Variants in ULK4 observed in about 807,000 individuals in gnomAD.
The protein encoded by ULK4 is inactive serine/threonine-protein kinase ULK4.
In ULK4, 133 loss-of-function variants were observed where a neutral mutation model predicts 160.6. The observed-to-expected ratio is 0.83, with a 90% CI of 0.72 to 0.96. ULK4 has a LOEUF of 0.96. Among genes scored for constraint, ULK4 ranks in the 40% least tolerant of loss-of-function variants. ULK4 has a pLI of 0.00. For missense variants in ULK4, 1,580 were observed against 1,499.5 expected (o/e 1.05, Z -0.89); for synonymous variants, 534 against 539.8 (o/e 0.99, Z 0.15).
chr3:41,957,473 T>C (rs1700522471), intron 1 of ULK4, among the ~76,000 whole-genome samples: 1 of 129,356 alleles, frequency 7.7e-6, no homozygotes, highest in Non-Finnish European at 1.7e-5. Context: ...AAAATCAATC[T>C]TTCATAACCT....
chr3:41,567,083 G>C (rs906256439), intron 31 of ULK4, among the ~76,000 whole-genome samples: 1 of 152,038 alleles, frequency 6.6e-6, no homozygotes, highest in Non-Finnish European at 1.5e-5. Context: ...AAAGCAACAA[G>C]CATATTAATT....
rs528685544 is a variant in ULK4 at position 41,913,916 on chromosome 3, T to A, written c.804-1017A>T. Among the ~76,000 whole-genome samples the A allele has an allele frequency of 4.6e-5, 7 of 152,202 alleles. No individual in the cohort carries two copies. In the East Asian group the frequency reaches 1.4e-3, roughly 29 times the overall value. On this transcript the variant is annotated intron_variant, in intron 8 of 36. Coordinates refer to ENST00000301831, the MANE Select transcript of ULK4 (RefSeq NM_017886.4). Reference sequence around the variant, plus strand: ...AGGGAGAGGTTGCAGTGAGCCAAGATCACACCACTGCACTCCAGCCTGGGT... The same window carrying A: ...AGGGAGAGGTTGCAGTGAGCCAAGAACACACCACTGCACTCCAGCCTGGGT...
chr3:41,336,352 T>TG (rs2080555224), intron 35 of ULK4, among the ~76,000 whole-genome samples: 1 of 152,236 alleles, frequency 6.6e-6, no homozygotes, highest in Admixed American at 6.5e-5. Flanking sequence ...CTGAAAATGA[T>TG]GGAGGGAGAA....
chr3:41,636,610 TTAA>T lies in ULK4; in HGVS notation c.3072-20896_3072-20894del, dbSNP rs550113662. 1.1e-3 allele frequency among the ~76,000 whole-genome samples: 164 copies of T among 152,052 alleles called. 1 individual carries two copies. Among genetic ancestry groups the T allele is most frequent in the African/African-American group, 3.8e-3 (158 of 41,488 alleles). On this transcript the variant is annotated intron_variant, in intron 30 of 36. Transcript: ENST00000301831. Reference sequence around the variant, plus strand: ...TTACTATTTTTATTGTTGTTTTTTTTTAATTATTATTATACTTTAAGTTTTAGG... The same window carrying T: ...TTACTATTTTTATTGTTGTTTTTTTTTTATTATTATACTTTAAGTTTTAGG...
intron 32 of ULK4, among the ~76,000 whole-genome samples, chr3:41,493,749 C>T (rs1443022864): frequency 1.3e-5 from 2 of 150,150 alleles, no homozygotes; most frequent in Admixed American, 6.6e-5. Flanking sequence ...AAGGGGATAT[C>T]ACCACCGATC....
chr3:41,857,404 T>A (rs1430324742), intron 17 of ULK4, among the ~76,000 whole-genome samples: 1 of 152,196 alleles, frequency 6.6e-6, no homozygotes, highest in African/African-American at 2.4e-5. Flanking sequence ...CATAGTTTTC[T>A]TTTTTTGATA....
chr3:41,897,005 T>C lies in ULK4; in HGVS notation c.1349-2A>G. ...CTTTCAGAAATAATAACTTATCCACTGCGATGGAAAGAAAATAATAAAAGT... is the reference window on the plus strand; with the variant it reads ...CTTTCAGAAATAATAACTTATCCACCGCGATGGAAAGAAAATAATAAAAGT... On this transcript the variant is annotated splice_acceptor_variant, in intron 14 of 36. Transcript: ENST00000301831. LOFTEE classifies it high-confidence loss of function. The C allele has an allele frequency of 6.2e-7, 1 of 1,604,450 alleles. No homozygotes were observed. Among genetic ancestry groups the C allele is most frequent in the Non-Finnish European group, 8.5e-7 (1 of 1,175,250 alleles).
chr3:41,773,440 G>C (rs1039664890), intron 21 of ULK4, among the ~76,000 whole-genome samples: 1 of 152,128 alleles, frequency 6.6e-6, no homozygotes, highest in Non-Finnish European at 1.5e-5. Flanking sequence ...GACAAACAGA[G>C]AGCCAAATCA....
At chr3:41,940,813 T>G (rs964893201) in intron 2 of ULK4, among the ~76,000 whole-genome samples, 1 of 152,222 alleles carries the variant, frequency 6.6e-6, no homozygotes, top group Non-Finnish European at 1.5e-5. Flanking sequence ...AATGTACATT[T>G]CTGTTATGGA....
intron 23 of ULK4, 112 bp downstream of exon 23, chr3:41,717,616 G>T: frequency 7.6e-7 from 1 of 1,314,792 alleles, no homozygotes; most frequent in Non-Finnish European, 1.0e-6. Flanking sequence ...AAAAGTGTCT[G>T]CATTTGCCTT....
chr3:41,671,113 T>C (rs997962594), intron 29 of ULK4, among the ~76,000 whole-genome samples: 1 of 152,104 alleles, frequency 6.6e-6, no homozygotes, highest in African/African-American at 2.4e-5. Context: ...AAATATCCCA[T>C]GCTCACAGAT....
intron 32 of ULK4, among the ~76,000 whole-genome samples, chr3:41,556,812 C>CA (rs1238878932): frequency 6.6e-6 from 1 of 151,450 alleles, no homozygotes; most frequent in Admixed American, 6.6e-5. Context: ...TAGATAATTC[C>CA]AATGATAAAT....
intron 29 of ULK4, among the ~76,000 whole-genome samples, chr3:41,676,783 C>T (rs933856344): frequency 2.6e-5 from 4 of 152,030 alleles, no homozygotes; most frequent in East Asian, 1.9e-4. Context: ...CAGCTTATTT[C>T]GCCTGACTCT....
intron 34 of ULK4, among the ~76,000 whole-genome samples, chr3:41,415,667 G>A (rs1287248476): frequency 2.6e-5 from 4 of 152,026 alleles, no homozygotes; most frequent in Non-Finnish European, 5.9e-5. Flanking sequence ...CTAATATAAA[G>A]ATCTTCATCT....
intron 22 of ULK4, among the ~76,000 whole-genome samples, chr3:41,753,600 A>C (rs1404272718): frequency 2.6e-5 from 4 of 152,154 alleles, no homozygotes; most frequent in Admixed American, 6.5e-5. Context: ...CCTTCCTAGG[A>C]CCAGTCCATA....
rs1348126259 is a variant in ULK4, at chr3:41,295,196, CAAA to C, written c.3679-45625_3679-45623del. 5.3e-4 allele frequency among the ~76,000 whole-genome samples: 40 copies of C among 75,636 alleles called. 13 individuals are homozygous for C. The highest frequency in any genetic ancestry group is 8.4e-4 in the Non-Finnish European group (25 of 29,710). The allele number at this position is 75,636 out of a possible 152,430, so 49.6% of individuals were successfully genotyped here. A position where few individuals can be genotyped will look rare whatever the true frequency, so the allele number is the denominator to read the frequency against. On this transcript the variant is annotated intron_variant, in intron 35 of 36. Transcript: ENST00000301831. ...GAAGAGCAAAGGCAAAACAATGGAG[CAAA>C]CATAGTTTTTTCAAGAAATAGTGTT...
At chr3:41,309,780 T>C (rs1296203176) in intron 35 of ULK4, among the ~76,000 whole-genome samples, 1 of 151,692 alleles carries the variant, frequency 6.6e-6, no homozygotes, top group African/African-American at 2.4e-5. Flanking sequence ...AATTACCAAA[T>C]GAGGTATTTT....
intron 32 of ULK4, among the ~76,000 whole-genome samples, chr3:41,538,905 T>TTA: frequency 6.6e-6 from 1 of 152,228 alleles, no homozygotes; most frequent in South Asian, 2.1e-4. Context: ...TTTCAACTTT[T>TTA]TATCTATTTT....
intron 35 of ULK4, among the ~76,000 whole-genome samples, chr3:41,312,511 G>A (rs2080070233): frequency 6.6e-6 from 1 of 152,084 alleles, no homozygotes. Flanking sequence ...ATCAAAACTT[G>A]TGGGCCAGGC....
Sources: allele counts gnomAD v4.1 joint callset (sites outside exome capture counted in the v4.1 genomes callset), GRCh38; gene constraint gnomAD v4.1.1; transcripts MANE v1.5; gene names NCBI Gene and HGNC (gene_info 2026-07-23, HGNC 2026-07-21).